TRPS1: variants seen among roughly 807,000 people sequenced by gnomAD.
TRPS1 encodes the protein zinc finger transcription factor Trps1.
A neutral mutation model predicts 101.2 loss-of-function variants in TRPS1; 6 were observed. The observed-to-expected ratio is 0.06, with a 90% CI of 0.03 to 0.12. The LOEUF (loss-of-function observed/expected upper bound fraction) is 0.12, where lower values mean the gene tolerates loss of function less well. Ranked by LOEUF, TRPS1 falls within the 10% of genes least tolerant of loss-of-function variation. The pLI is 1.00. For synonymous variants in TRPS1, 578 were observed against 589.8 expected (o/e 0.98, Z 0.29); for missense variants, 1,363 against 1,567.0 (o/e 0.87, Z 2.20).
chr8:115,513,330 C>A (rs538703807), intron 5 of TRPS1, among the ~76,000 whole-genome samples: 29 of 151,604 alleles, frequency 1.9e-4, no homozygotes, highest in Admixed American at 7.9e-4. Flanking sequence ...TTTTTGGGTA[C>A]CATTTTTATT....
At chr8:115,452,290 T>C (rs1180718432) in intron 5 of TRPS1, among the ~76,000 whole-genome samples, 5 of 152,192 alleles carry the variant, frequency 3.3e-5, no homozygotes, top group African/African-American at 1.2e-4. Flanking sequence ...TTATAACTTT[T>C]ACAGTCAAGC....
intron 5 of TRPS1, among the ~76,000 whole-genome samples, chr8:115,550,250 T>C (rs1816672565): frequency 6.6e-6 from 1 of 152,106 alleles, no homozygotes; most frequent in Admixed American, 6.5e-5. Context: ...CAATGATTTG[T>C]GGGGCTTTTA....
At chr8:115,421,897 G>C (rs181551105) in intron 5 of TRPS1, among the ~76,000 whole-genome samples, 1 of 152,320 alleles carries the variant, frequency 6.6e-6, no homozygotes, top group Admixed American at 6.5e-5. Flanking sequence ...CAAGGACAGG[G>C]AAGCAGCCTG....
intron 5 of TRPS1, among the ~76,000 whole-genome samples, chr8:115,538,559 T>C (rs1163583481): frequency 6.7e-6 from 1 of 150,074 alleles, no homozygotes; most frequent in African/African-American, 2.4e-5. Flanking sequence ...TTTCTGAGAG[T>C]GGAGAGTGAG....
chr8:115,421,945 T>C (rs945551086), intron 5 of TRPS1, among the ~76,000 whole-genome samples: 39 of 152,198 alleles, frequency 2.6e-4, no homozygotes, highest in Admixed American at 2.5e-3. Context: ...TCCTGTGCCC[T>C]ATTTTCAAAA....
At chr8:115,442,618 G>T (rs571401999) in intron 5 of TRPS1, among the ~76,000 whole-genome samples, 1 of 151,628 alleles carries the variant, frequency 6.6e-6, no homozygotes, top group South Asian at 2.1e-4. Flanking sequence ...GGAAGGAAGG[G>T]GTTACACAGC....
chr8:115,630,521 C>A (rs929564148), intron 1 of TRPS1, among the ~76,000 whole-genome samples: 1 of 151,846 alleles, frequency 6.6e-6, no homozygotes, highest in Non-Finnish European at 1.5e-5. Flanking sequence ...ACAAATAGTT[C>A]TTTCAGAATT....
chr8:115,524,511 G>T (rs1371521327), intron 5 of TRPS1, among the ~76,000 whole-genome samples: 2 of 151,682 alleles, frequency 1.3e-5, no homozygotes, highest in Non-Finnish European at 2.9e-5. Flanking sequence ...AGTAGAGACA[G>T]GGTTTCACCA....
intron 1 of TRPS1, among the ~76,000 whole-genome samples, chr8:115,663,011 G>T (rs536554722): frequency 2.6e-5 from 4 of 151,762 alleles, no homozygotes; most frequent in Non-Finnish European, 5.9e-5. Context: ...AAAAACAAAT[G>T]GATTTTTTTT....
intron 3 of TRPS1, among the ~76,000 whole-genome samples, chr8:115,616,693 T>C (rs1399837101): frequency 6.6e-6 from 1 of 152,218 alleles, no homozygotes; most frequent in African/African-American, 2.4e-5. Flanking sequence ...AATTGAACGA[T>C]TGTCTGTAAT....
chr8:115,667,402 C>A (rs1407785796), intron 1 of TRPS1, among the ~76,000 whole-genome samples: 1 of 152,224 alleles, frequency 6.6e-6, no homozygotes, highest in Non-Finnish European at 1.5e-5. Flanking sequence ...GGAGGGACAG[C>A]GATGTTTGCC....
chr8:115,502,090 G>A (rs1296061572), intron 5 of TRPS1, among the ~76,000 whole-genome samples: 1 of 152,116 alleles, frequency 6.6e-6, no homozygotes, highest in Non-Finnish European at 1.5e-5. Flanking sequence ...TGGTTTAAAA[G>A]TGAGCTAAAA....
intron 1 of TRPS1, among the ~76,000 whole-genome samples, chr8:115,645,964 T>C (rs945348188): frequency 6.6e-6 from 1 of 152,142 alleles, no homozygotes; most frequent in African/African-American, 2.4e-5. Flanking sequence ...CTTTCTACAA[T>C]AGCTGACGGC....
chr8:115,459,763 G>T (rs1351206225), intron 5 of TRPS1, among the ~76,000 whole-genome samples: 1 of 152,066 alleles, frequency 6.6e-6, no homozygotes, highest in East Asian at 1.9e-4. Context: ...CCCATATGTA[G>T]AACATAATCA....
At position 115,413,731 on chromosome 8, in the gene TRPS1, A is replaced by C. The variant is rs960633494; in HGVS notation, c.*292T>G. ...AATATATTAATTCTAGTCTGGTGAT[A>C]TCTCTTATGGATTATTTCCCCAGTA... On this transcript the variant is annotated 3_prime_UTR_variant, in exon 7 of 7. Coordinates refer to ENST00000395715, the MANE Select transcript of TRPS1 (RefSeq NM_014112.5). 2.6e-5 allele frequency: 9 copies of C among 348,328 alleles called. No individual in the cohort carries two copies. In the East Asian group the frequency reaches 5.7e-4, roughly 22 times the overall value. 21.6% of individuals were successfully genotyped at this position (348,328 alleles called of 1,614,324 possible).
intron 3 of TRPS1, 86 bp downstream of exon 3, chr8:115,619,046 G>A (rs1818327576): frequency 6.9e-7 from 1 of 1,459,654 alleles, no homozygotes; most frequent in East Asian, 2.4e-5. Flanking sequence ...TCTGGTACTG[G>A]GACCTTGGTT....
At chr8:115,596,714 CAT>C (rs1223785650) in intron 4 of TRPS1, among the ~76,000 whole-genome samples, 1 of 151,376 alleles carries the variant, frequency 6.6e-6, no homozygotes, top group Non-Finnish European at 1.5e-5. Flanking sequence ...GTGCATATAT[CAT>C]ATGTATGTAT....
rs1044215201 is a variant in TRPS1, at chr8:115,409,172, A to T, written c.*4851T>A. The T allele has an allele frequency of 2.7e-5, 4 of 149,010 alleles. No homozygotes were observed. Among genetic ancestry groups the T allele is most frequent in the South Asian group, 2.1e-4 (1 of 4,744 alleles). The allele number at this position is 149,010 out of a possible 1,614,324, so 9.2% of individuals were successfully genotyped here. On this transcript the variant is annotated 3_prime_UTR_variant, in exon 7 of 7. Transcript: ENST00000395715. ...TACATTACCATTATTATTATTAATA[A>T]TATTATTAATACATATATTTTTCAA... is the stretch of plus-strand genomic sequence containing the variant.
rs3824193 is a variant in TRPS1 at position 115,409,718 on chromosome 8, A to G, written c.*4305T>C. On this transcript the variant is annotated 3_prime_UTR_variant, in exon 7 of 7. Coordinates refer to ENST00000395715, the MANE Select transcript of TRPS1 (RefSeq NM_014112.5). ...TTTGGGAAAATAACAATGCCCTCCAAAGTCCCGACGGGCGTCCTTCTATCT... is the reference window on the plus strand; with the variant it reads ...TTTGGGAAAATAACAATGCCCTCCAGAGTCCCGACGGGCGTCCTTCTATCT... 2.6e-5 allele frequency: 4 copies of G among 151,984 alleles called. No homozygotes were observed. Among genetic ancestry groups the G allele is most frequent in the Non-Finnish European group, 5.9e-5 (4 of 67,970 alleles). The allele number at this position is 151,984 out of a possible 1,614,324, so 9.4% of individuals were successfully genotyped here.
Sources: allele counts gnomAD v4.1 joint callset (sites outside exome capture counted in the v4.1 genomes callset), GRCh38; gene constraint gnomAD v4.1.1; transcripts MANE v1.5; gene names NCBI Gene and HGNC (gene_info 2026-07-23, HGNC 2026-07-21).